PHACTR3: variants seen among roughly 807,000 people sequenced by gnomAD.
The protein encoded by PHACTR3 is phosphatase and actin regulator 3.
PHACTR3 carries 16 observed loss-of-function variants against 66.8 expected under a neutral mutation model. That is an observed-to-expected ratio of 0.24 (90% CI 0.16 to 0.36). PHACTR3 has a LOEUF of 0.36. Among genes scored for constraint, PHACTR3 ranks in the 10% least tolerant of loss-of-function variants. The pLI is 1.00. For missense variants in PHACTR3, 647 were observed against 719.9 expected (o/e 0.90, Z 1.16); for synonymous variants, 323 against 292.1 (o/e 1.11, Z -1.08).
intron 7 of PHACTR3, among the ~76,000 whole-genome samples, chr20:59,788,486 T>G (rs1261041648): frequency 1.3e-5 from 2 of 151,950 alleles, no homozygotes; most frequent in East Asian, 3.9e-4. Context: ...CAGGACACCA[T>G]CCCTGCCTTT....
At chr20:59,612,267 C>A (rs1287632954) in intron 1 of PHACTR3, among the ~76,000 whole-genome samples, 2 of 152,174 alleles carry the variant, frequency 1.3e-5, no homozygotes, top group Non-Finnish European at 2.9e-5. Context: ...GCCGGGACTT[C>A]CGCTGTGGGA....
intron 1 of PHACTR3, among the ~76,000 whole-genome samples, chr20:59,633,276 A>G (rs991338260): frequency 5.3e-5 from 8 of 152,232 alleles, no homozygotes; most frequent in Non-Finnish European, 8.8e-5. Context: ...GATAGATTGG[A>G]TAAAGAAAAC....
At chr20:59,656,223 T>C (rs748136884) in intron 1 of PHACTR3, among the ~76,000 whole-genome samples, 27 of 152,080 alleles carry the variant, frequency 1.8e-4, no homozygotes, top group Non-Finnish European at 3.2e-4. Context: ...CCACTTATTC[T>C]ATTCATGAGT....
intron 1 of PHACTR3, among the ~76,000 whole-genome samples, chr20:59,614,951 G>GT (rs1396716779): frequency 6.6e-6 from 1 of 152,096 alleles, no homozygotes; most frequent in Non-Finnish European, 1.5e-5. Flanking sequence ...TATTGGCCGG[G>GT]TTTTTTGTGC....
chr20:59,778,832 GT>G (rs2040626302), intron 7 of PHACTR3, among the ~76,000 whole-genome samples: 1 of 152,188 alleles, frequency 6.6e-6, no homozygotes, highest in Non-Finnish European at 1.5e-5. Flanking sequence ...TGAGCCTCTT[GT>G]TATTTGTTCT....
Position 59,743,210 on chromosome 20 carries a change from C to T in PHACTR3, c.222C>T (p.Ile74=), listed in dbSNP as rs1156404981. 6.2e-7 allele frequency: 1 copy of T among 1,614,126 alleles called. No homozygotes were observed. The change falls in exon 2 of 13, where the codon ATC becomes ATT. Residue 74 remains isoleucine, a synonymous_variant. Transcript: ENST00000371015. The part of the protein sequence containing the change: ...RNSKLATLGR[I]FKPWKWRKKK... ...GCAAACTGGCCACCCTGGGCAGGAT[C>T]TTCAAACCCTGGAAATGGAGGAAAA...
chr20:59,670,109 T>C (rs929764827), intron 1 of PHACTR3, among the ~76,000 whole-genome samples: 5 of 152,230 alleles, frequency 3.3e-5, no homozygotes, highest in Non-Finnish European at 7.3e-5. Flanking sequence ...GGTCCCATTC[T>C]AGTGGGGGCC....
chr20:59,778,079 C>T (rs1354971352), intron 7 of PHACTR3, among the ~76,000 whole-genome samples: 2 of 152,204 alleles, frequency 1.3e-5, no homozygotes, highest in African/African-American at 4.8e-5. Context: ...CTCTGTTCCC[C>T]TTGGAGCAGT....
chr20:59,760,480 C>T (rs2039958787), intron 4 of PHACTR3, among the ~76,000 whole-genome samples: 2 of 152,238 alleles, frequency 1.3e-5, no homozygotes, highest in South Asian at 4.2e-4. Context: ...GTACTGTTCT[C>T]ATGGTAGTGA....
chr20:59,593,015 G>T (rs1600876878), intron 1 of PHACTR3, among the ~76,000 whole-genome samples: 1 of 152,148 alleles, frequency 6.6e-6, no homozygotes, highest in South Asian at 2.1e-4. Flanking sequence ...TAAATACCAA[G>T]GAAGGCAATG....
intron 1 of PHACTR3, among the ~76,000 whole-genome samples, chr20:59,626,258 C>A (rs566815500): frequency 1.3e-5 from 2 of 152,206 alleles, no homozygotes; most frequent in South Asian, 4.1e-4. Flanking sequence ...TCTCTGCCTT[C>A]ATGGAATGAG....
At chr20:59,815,570 G>A (rs181681712) in intron 8 of PHACTR3, among the ~76,000 whole-genome samples, 3 of 151,998 alleles carry the variant, frequency 2.0e-5, no homozygotes, top group African/African-American at 7.3e-5. Context: ...GATTACAGGT[G>A]TGCACCACCA....
chr20:59,831,839 C>T (rs1321795814), intron 8 of PHACTR3, among the ~76,000 whole-genome samples: 1 of 152,222 alleles, frequency 6.6e-6, no homozygotes, highest in Admixed American at 6.5e-5. Flanking sequence ...CAGGCTGCTC[C>T]CCTTGCCTGC....
At chr20:59,807,204 C>G (rs756650198) in intron 8 of PHACTR3, among the ~76,000 whole-genome samples, 8 of 152,168 alleles carry the variant, frequency 5.3e-5, no homozygotes, top group Non-Finnish European at 1.0e-4. Context: ...TAGCACAAAA[C>G]ACAAATTATA....
intron 1 of PHACTR3, among the ~76,000 whole-genome samples, chr20:59,682,656 C>G (rs369064603): frequency 6.6e-6 from 1 of 152,164 alleles, no homozygotes; most frequent in African/African-American, 2.4e-5. Flanking sequence ...GGCATCATTA[C>G]GGAGGTGACA....
intron 1 of PHACTR3, among the ~76,000 whole-genome samples, chr20:59,709,328 A>G (rs1250965394): frequency 1.3e-5 from 2 of 152,206 alleles, no homozygotes; most frequent in East Asian, 1.9e-4. Flanking sequence ...CCCTTTGCCA[A>G]TGAATTTTGT....
chr20:59,729,449 C>T (rs62203951), intron 1 of PHACTR3, among the ~76,000 whole-genome samples: 103 of 152,114 alleles, frequency 6.8e-4, no homozygotes, highest in Non-Finnish European at 1.2e-3. Context: ...AATTGCATGG[C>T]CCAGATCACT....
chr20:59,625,465 G>T (rs1479234112), intron 1 of PHACTR3, among the ~76,000 whole-genome samples: 1 of 152,130 alleles, frequency 6.6e-6, no homozygotes, highest in African/African-American at 2.4e-5. Context: ...ACTTAATTCT[G>T]CTCTGGAATA....
At chr20:59,711,920 G>T (rs2037926568) in intron 1 of PHACTR3, among the ~76,000 whole-genome samples, 2 of 152,086 alleles carry the variant, frequency 1.3e-5, no homozygotes, top group African/African-American at 2.4e-5. Context: ...TTTCAATGGG[G>T]TTAAGAGAAG....
Sources: gnomAD v4.1 joint callset for allele counts (sites outside exome capture counted in the v4.1 genomes callset) on GRCh38, gnomAD v4.1.1 for gene constraint, MANE v1.5 for transcripts, NCBI Gene and HGNC (gene_info 2026-07-23, HGNC 2026-07-21) for gene names.